The following DOCK6 variants were observed in gnomAD, a reference collection of about 807,000 sequenced individuals.
The protein encoded by DOCK6 is dedicator of cytokinesis protein 6.
Under a neutral mutation model 230.3 loss-of-function variants are expected in DOCK6, and 167 were observed. The ratio of observed to expected loss-of-function variants is 0.73; its 90% CI spans 0.64 to 0.82. The LOEUF (loss-of-function observed/expected upper bound fraction) is 0.82, where lower values mean the gene tolerates loss of function less well. DOCK6 is among the 40% of genes least tolerant of loss of function. The pLI is 0.00. For missense variants in DOCK6, 2,598 were observed against 2,825.8 expected, an observed-to-expected ratio of 0.92 and a Z score of 1.83; for synonymous variants, 1,148 against 1,185.0, an observed-to-expected ratio of 0.97 and a Z score of 0.64.
In DOCK6 at chr19:11,235,603, G is replaced by A. The variant is rs759566973; in HGVS notation, c.2549C>T (p.Pro850Leu). 1.1e-5 allele frequency: 17 copies of A among 1,587,340 alleles called. No individual in the cohort carries two copies. The highest frequency in any genetic ancestry group is 1.3e-5 in the African/African-American group (1 of 74,524). The change falls in exon 21 of 48, where the codon CCG becomes CTG. Residue 850 changes from proline (P) to leucine (L), a missense_variant. Physicochemically the swap from Pro to Leu is moderately conservative, Grantham distance 98. Coordinates refer to ENST00000294618, the MANE Select transcript of DOCK6 (RefSeq NM_020812.4). Reference sequence around the variant, plus strand: ...AGGGATTTCTACAAACTCACCATCCGGGAGGCTGGGCTCAGTGCCAGGAAG... The same window carrying A: ...AGGGATTTCTACAAACTCACCATCCAGGAGGCTGGGCTCAGTGCCAGGAAG... ...FRLPGTEPSL[P>L]DGAPPVTVQA...
At chr19:11,235,562 A>C (rs1568246328) in intron 21 of DOCK6, 36 bp downstream of exon 21, 3 of 1,534,956 alleles carry the variant, frequency 2.0e-6, no homozygotes, top group Non-Finnish European at 2.6e-6. Flanking sequence ...CTTCTCCCAG[A>C]TATTTCTCGT....
chr19:11,250,762 A>G (rs974183994), intron 6 of DOCK6, 112 bp downstream of exon 6: 2 of 1,070,942 alleles, frequency 1.9e-6, no homozygotes, highest in Non-Finnish European at 2.7e-6. Flanking sequence ...GATCGGATTA[A>G]TACAGGTGTA....
In DOCK6 at chr19:11,211,806, T is replaced by C; in HGVS notation, c.4721A>G (p.Asp1574Gly). 1 of 1,552,084 alleles carries C rather than the reference T, an allele frequency of 6.4e-7. No individual in the cohort carries two copies. The highest frequency in any genetic ancestry group is 8.7e-7 in the Non-Finnish European group (1 of 1,147,178). ...CATGAGGTCGATGAGCATCTCAGGG[T>C]CCTCCTGGTGTTCCTTCATCTTCAC... ...DTVKMKEHQE[D>G]PEMLIDLMYR... The change falls in exon 37 of 48, where the codon GAC becomes GGC. Residue 1574 changes from aspartate to glycine, a missense_variant. Asp to Gly is a moderately conservative substitution (Grantham distance 94, BLOSUM62 -1). Transcript: ENST00000294618.
rs1246157556 is a variant in DOCK6, at chr19:11,248,339, T to C, written c.721-188A>G. ...CCATCTTCTCCCACTCCTCCTTGTC[T>C]CGCTAATGTCTGCTCACTGTTCATA... is the stretch of plus-strand genomic sequence containing the variant. On this transcript the variant is annotated intron_variant, in intron 6 of 47. Transcript: ENST00000294618. Among the ~76,000 whole-genome samples the C allele has an allele frequency of 3.3e-5, 5 of 152,112 alleles. No individual in the cohort carries two copies. In the East Asian group the frequency reaches 9.6e-4, roughly 29 times the overall value.
In DOCK6 at chr19:11,199,345, C is replaced by G; in HGVS notation, c.*152G>C. ...AAAAAAGGGAGGAAGCATCAGTGCA[C>G]ACAGATGGGGACACAGGGGCAGAGG... On this transcript the variant is annotated 3_prime_UTR_variant, in exon 48 of 48. Transcript: ENST00000294618. 1.1e-6 allele frequency: 1 copy of G among 923,520 alleles called. No individual in the cohort carries two copies. The allele number at this position is 923,520 out of a possible 1,614,324, so 57.2% of individuals were successfully genotyped here.
At chr19:11,253,898 C>T (rs981023234) in intron 1 of DOCK6, 172 bp from the exon 2 acceptor site, 9 of 533,108 alleles carry the variant, frequency 1.7e-5, no homozygotes, top group Admixed American at 8.4e-5. Context: ...TCCCCCAACG[C>T]GTTCCCCATC....
At position 11,243,812 on chromosome 19, in the gene DOCK6, T is replaced by A; in HGVS notation, c.1094A>T (p.Asp365Val). 6.2e-7 allele frequency: 1 copy of A among 1,613,220 alleles called. No individual in the cohort carries two copies. The highest frequency in any genetic ancestry group is 8.5e-7 in the Non-Finnish European group (1 of 1,179,626). The change falls in exon 10 of 48, where the codon GAC (aspartate) becomes GTC (valine). Residue 365 changes from aspartate (D) to valine (V), a missense_variant. Coordinates refer to ENST00000294618, the MANE Select transcript of DOCK6 (RefSeq NM_020812.4). This position sits in a 1 kb window ranked among gnomAD's most constrained non-coding sequence, Gnocchi z 6.3. ...CEPYMVLKEV[D>V]TAKNKEKLEK... is the part of the protein sequence containing the mutation. ...CCTCCACACGCTTACCTTGGCTGTG[T>A]CCACTTCTTTCAACACCATGTAAGG...
intron 32 of DOCK6, 64 bp downstream of exon 32, chr19:11,215,323 G>C: frequency 6.8e-7 from 1 of 1,460,688 alleles, no homozygotes; most frequent in Non-Finnish European, 9.5e-7. Flanking sequence ...CTGGACTCAA[G>C]CAATCCTCCT....
At position 11,200,364 on chromosome 19, in the gene DOCK6, C is replaced by A; in HGVS notation, c.6045G>T (p.Gln2015His). 1.3e-6 allele frequency: 2 copies of A among 1,589,398 alleles called. No homozygotes were observed. Among genetic ancestry groups the A allele is most frequent in the Non-Finnish European group, 1.7e-6 (2 of 1,168,186 alleles). The change falls in exon 47 of 48, where the codon CAG (glutamine) becomes CAT (histidine). Residue 2015 changes from glutamine (Q) to histidine (H), a missense_variant. Physicochemically the swap from Gln to His is conservative, Grantham distance 24. Coordinates refer to ENST00000294618, the MANE Select transcript of DOCK6 (RefSeq NM_020812.4). The surrounding 1 kb of genome is among the most constrained non-coding windows in gnomAD (Gnocchi z 4.3). ...RNYCRLREALQPLLTQRLPQL... is the reference protein window; with the variant it reads ...RNYCRLREALHPLLTQRLPQL... The stretch of plus-strand genomic sequence containing the variant: ...GGGGCAGGCGCTGGGTAAGCAGGGG[C>A]TGCAGAGCCTCCCGCAGGCGGCAGT...
chr19:11,216,062 T>A, intron 30 of DOCK6, 135 bp from the exon 31 acceptor site: 2 of 1,187,706 alleles, frequency 1.7e-6, no homozygotes, highest in Non-Finnish European at 2.3e-6. Flanking sequence ...CTTTTTCCTC[T>A]AAATTCTTAG....
rs776848191 is a variant in DOCK6 at position 11,202,557 on chromosome 19, G to GA, written c.5361+26_5361+27insT. 1 of 1,613,878 alleles carries GA rather than the reference G, an allele frequency of 6.2e-7. No homozygotes were observed. Among genetic ancestry groups the GA allele is most frequent in the Admixed American group, 1.7e-5 (1 of 60,020 alleles). The stretch of plus-strand genomic sequence containing the variant: ...CAGCCCCAAGGCAGCCCCATGCCCC[G>GA]TTCCACCCCCAACCACAAGGACGTG... On this transcript the variant is annotated intron_variant, in intron 42 of 47. Coordinates refer to ENST00000294618, the MANE Select transcript of DOCK6 (RefSeq NM_020812.4). This position sits in a 1 kb window ranked among gnomAD's most constrained non-coding sequence, Gnocchi z 5.3.
chr19:11,208,762 C>T lies in DOCK6; in HGVS notation c.5012G>A (p.Gly1671Asp). The T allele has an allele frequency of 6.2e-7, 1 of 1,613,770 alleles. No individual in the cohort carries two copies. The highest frequency in any genetic ancestry group is 8.5e-7 in the Non-Finnish European group (1 of 1,179,748). Residue 1671 changes from glycine (G) to aspartate (D), a missense_variant, in exon 39 of 48, where the codon GGC becomes GAC. Gly to Asp is a moderately conservative substitution (Grantham distance 94). Coordinates refer to ENST00000294618, the MANE Select transcript of DOCK6 (RefSeq NM_020812.4). ...AGTGAAGTGCTTCCCGGAGCAGAAGCCCTCCTCGTCGGGCGACAGGATGTC... is the reference window on the plus strand; with the variant it reads ...AGTGAAGTGCTTCCCGGAGCAGAAGTCCTCCTCGTCGGGCGACAGGATGTC... ...SDDILSPDEE[G>D]FCSGKHFTEL...
rs117437635 is a variant in DOCK6 at position 11,238,250 on chromosome 19, G to A, written c.1698C>T (p.Ser566=). Residue 566 remains serine (S), a synonymous_variant, in exon 15 of 48, where the codon TCC becomes TCT. Coordinates refer to ENST00000294618, the MANE Select transcript of DOCK6 (RefSeq NM_020812.4). Reference sequence around the variant, plus strand: ...GCACTCGCACAGCAAGGTTGCGCACGGAGCCCTGGCGGCTGCTGAAGTTGA... The same window carrying A: ...GCACTCGCACAGCAAGGTTGCGCACAGAGCCCTGGCGGCTGCTGAAGTTGA... ...HSLNFSSRQG[S]VRNLAVRVQY... 1.6e-4 allele frequency: 263 copies of A among 1,613,296 alleles called. 1 individual carries two copies. The East Asian group carries it at 2.9e-3, about 18-fold the overall frequency.
intron 24 of DOCK6, among the ~76,000 whole-genome samples, chr19:11,223,681 C>G (rs2079617670): frequency 6.6e-6 from 1 of 152,038 alleles, no homozygotes; most frequent in Non-Finnish European, 1.5e-5. Context: ...GAGTCTTGCT[C>G]TGTCACTAAG....
chr19:11,259,608 A>G (rs2080253075), intron 1 of DOCK6, among the ~76,000 whole-genome samples: 1 of 120,482 alleles, frequency 8.3e-6, no homozygotes, highest in Non-Finnish European at 1.6e-5. Context: ...CTCAGGCTGG[A>G]GTGCAGTGGC....
intron 14 of DOCK6, among the ~76,000 whole-genome samples, chr19:11,240,450 T>C (rs925734949): frequency 3.3e-5 from 5 of 152,186 alleles, no homozygotes; most frequent in Non-Finnish European, 7.3e-5. Context: ...TCCTTTTGTG[T>C]GCCTCAGTTT....
At position 11,243,838 on chromosome 19, in the gene DOCK6, C is replaced by G. The variant is rs73925150; in HGVS notation, c.1068G>C (p.Glu356Asp). The change falls in exon 10 of 48, where the codon GAG (glutamate) becomes GAC (aspartate). Residue 356 changes from glutamate (E) to aspartate (D), a missense_variant. Coordinates refer to ENST00000294618, the MANE Select transcript of DOCK6 (RefSeq NM_020812.4). The surrounding 1 kb of genome is among the most constrained non-coding windows in gnomAD (Gnocchi z 6.3). ...LQQGDISECC[E>D]PYMVLKEVDT... ...CCACTTCTTTCAACACCATGTAAGG[C>G]TCACAGCACTCACTGATGTCCCCTT... The G allele has an allele frequency of 4.2e-4, 675 of 1,612,964 alleles. 2 individuals carry two copies. The African/African-American group carries it at 8.3e-3, about 20-fold the overall frequency.
At position 11,243,043 on chromosome 19, in the gene DOCK6, G is replaced by A; in HGVS notation, c.1480+16C>T. ...AGTGAGAGTGATACTTCTTGTGTAT[G>A]GGGTGTGCCACGCACCAGTCACAGG... On this transcript the variant is annotated intron_variant, in intron 13 of 47. Coordinates refer to ENST00000294618, the MANE Select transcript of DOCK6 (RefSeq NM_020812.4). This position sits in a 1 kb window ranked among gnomAD's most constrained non-coding sequence, Gnocchi z 6.3. 2 of 1,613,342 alleles carry A rather than the reference G, an allele frequency of 1.2e-6. No individual in the cohort carries two copies. Among genetic ancestry groups the A allele is most frequent in the Non-Finnish European group, 1.7e-6 (2 of 1,179,658 alleles).
rs940409594 is a variant in DOCK6 at position 11,243,489 on chromosome 19, G to T, written c.1258+68C>A. The T allele has an allele frequency of 2.6e-6, 4 of 1,542,982 alleles. No individual in the cohort carries two copies. In the African/African-American group the frequency reaches 4.1e-5, roughly 16 times the overall value. ...AGAGGGCGCACCCCCTCGCCCCGTA[G>T]CCCCGCCCCAGGCCTGTCAGCACCA... On this transcript the variant is annotated intron_variant, in intron 11 of 47. Coordinates refer to ENST00000294618, the MANE Select transcript of DOCK6 (RefSeq NM_020812.4). This position sits in a 1 kb window ranked among gnomAD's most constrained non-coding sequence, Gnocchi z 6.3.
Sources: gnomAD v4.1 joint callset for allele counts (sites outside exome capture counted in the v4.1 genomes callset) on GRCh38, gnomAD v4.1.1 for gene constraint, Gnocchi (gnomAD v3.1) non-coding constraint, MANE v1.5 for transcripts, NCBI Gene and HGNC (gene_info 2026-07-23, HGNC 2026-07-21) for gene names.